The following RGS7 variants were observed in gnomAD, a reference collection of about 807,000 sequenced individuals.
RGS7 encodes regulator of G protein signaling 7.
In RGS7, 27 loss-of-function variants were observed where a neutral mutation model predicts 81.1. That is an observed-to-expected ratio of 0.33 (90% CI 0.25 to 0.46). The LOEUF (loss-of-function observed/expected upper bound fraction) is 0.46, where lower values mean the gene tolerates loss of function less well. RGS7 is among the 20% of genes least tolerant of loss of function. The probability of loss-of-function intolerance (pLI) is 1.00; values close to 1 mark genes in which losing one functional copy is unlikely to be tolerated. For missense variants in RGS7, 396 were observed against 607.4 expected, an observed-to-expected ratio of 0.65 and a Z score of 3.66; for synonymous variants, 208 against 207.7, an observed-to-expected ratio of 1.00 and a Z score of -0.01.
chr1:241,226,942 C>G (rs1449472812), intron 2 of RGS7, among the ~76,000 whole-genome samples: 2 of 152,134 alleles, frequency 1.3e-5, no homozygotes, highest in South Asian at 4.1e-4. Context: ...ATTAAAAATT[C>G]TCATCATCTT....
chr1:240,864,332 G>A (rs1238633001), intron 9 of RGS7, among the ~76,000 whole-genome samples: 1 of 152,146 alleles, frequency 6.6e-6, no homozygotes, highest in African/African-American at 2.4e-5. Context: ...TGTTTCACGA[G>A]TTTCAGATTC....
intron 2 of RGS7, among the ~76,000 whole-genome samples, chr1:241,142,736 T>C (rs1359717390): frequency 6.6e-6 from 1 of 152,152 alleles, no homozygotes. Context: ...ATTTTACCCA[T>C]TGTCTTGGTA....
At chr1:241,197,885 A>G (rs1215067301) in intron 2 of RGS7, among the ~76,000 whole-genome samples, 2 of 151,686 alleles carry the variant, frequency 1.3e-5, no homozygotes, top group Non-Finnish European at 3.0e-5. Context: ...TCAAAACATT[A>G]CTACTGTATA....
chr1:241,255,203 G>A (rs1032009648), intron 2 of RGS7, among the ~76,000 whole-genome samples: 8 of 152,182 alleles, frequency 5.3e-5, no homozygotes, highest in South Asian at 2.1e-4. Context: ...GCAGACTATC[G>A]CCAGTTCTGA....
chr1:241,088,852 A>G (rs2492995), intron 3 of RGS7, among the ~76,000 whole-genome samples: 36,100 of 150,456 alleles, frequency 0.24, 5,872 homozygotes, highest in African/African-American at 0.46. Context: ...TCTACTAAAA[A>G]TACAAAAAAT....
At position 241,325,912 on chromosome 1, in the gene RGS7, G is replaced by A. The variant is rs553666121; in HGVS notation, c.78+29787C>T. 4.6e-5 allele frequency among the ~76,000 whole-genome samples: 7 copies of A among 152,198 alleles called. No homozygotes were observed. In the East Asian group the frequency reaches 1.2e-3, roughly 25 times the overall value. ...GCAAACAGGATGACTTGGAACAACC[G>A]TTACATTTTTTCTTTTTTTTCACTA... is the stretch of plus-strand genomic sequence containing the variant. On this transcript the variant is annotated intron_variant, in intron 2 of 18. Transcript: ENST00000440928.
At chr1:240,786,067 T>C (rs1382830494) in intron 18 of RGS7, among the ~76,000 whole-genome samples, 1 of 152,232 alleles carries the variant, frequency 6.6e-6, no homozygotes, top group Admixed American at 6.5e-5. Context: ...ATTTAAGTAC[T>C]GGTCACTAGC....
At chr1:241,182,442 A>AC (rs2071702110) in intron 2 of RGS7, among the ~76,000 whole-genome samples, 1 of 151,908 alleles carries the variant, frequency 6.6e-6, no homozygotes, top group African/African-American at 2.4e-5. Context: ...GGGACACACA[A>AC]CCCCCAGCTC....
At chr1:240,840,194 G>A (rs757844324) in intron 9 of RGS7, among the ~76,000 whole-genome samples, 42 of 151,876 alleles carry the variant, frequency 2.8e-4, no homozygotes, top group Non-Finnish European at 4.9e-4. Flanking sequence ...CGGTCTCCTC[G>A]TCAAACCTCC....
intron 5 of RGS7, among the ~76,000 whole-genome samples, chr1:240,933,696 T>C (rs1676101945): frequency 6.6e-6 from 1 of 151,994 alleles, no homozygotes; most frequent in African/African-American, 2.4e-5. Flanking sequence ...ATGAAACTCA[T>C]CCAAAACTGT....
At chr1:240,970,052 G>A in intron 4 of RGS7, among the ~76,000 whole-genome samples, 1 of 152,210 alleles carries the variant, frequency 6.6e-6, no homozygotes, top group Admixed American at 6.5e-5. Flanking sequence ...TTGATGCTCA[G>A]TAAATGTGAG....
At chr1:240,819,785 C>G (rs745898672) in intron 10 of RGS7, among the ~76,000 whole-genome samples, 2 of 152,120 alleles carry the variant, frequency 1.3e-5, no homozygotes, top group Non-Finnish European at 2.9e-5. Flanking sequence ...GAGACCATGA[C>G]CCAAACCATT....
At chr1:241,044,089 ATTTC>A (rs2060775557) in intron 3 of RGS7, among the ~76,000 whole-genome samples, 1 of 148,318 alleles carries the variant, frequency 6.7e-6, no homozygotes, top group African/African-American at 2.5e-5. Context: ...GTTTGAATTA[ATTTC>A]TTTCTTTTTG....
At chr1:241,067,917 G>A (rs558241148) in intron 3 of RGS7, among the ~76,000 whole-genome samples, 14 of 147,978 alleles carry the variant, frequency 9.5e-5, no homozygotes, top group African/African-American at 3.4e-4. Context: ...AACTAGTTTC[G>A]GGCCTAATAG....
intron 6 of RGS7, among the ~76,000 whole-genome samples, chr1:240,885,835 C>A (rs540060323): frequency 2.8e-4 from 43 of 152,210 alleles, no homozygotes; most frequent in African/African-American, 9.6e-4. Context: ...ATAATCTGTA[C>A]ACCAAACCCC....
rs79956288 is a variant in RGS7, at chr1:241,314,275, G to T, written c.78+41424C>A. Among the ~76,000 whole-genome samples, 878 of 151,822 alleles carry T rather than the reference G, an allele frequency of 5.8e-3. 5 individuals are homozygous for T. Among genetic ancestry groups the T allele is most frequent in the African/African-American group, 0.02 (810 of 41,434 alleles). On this transcript the variant is annotated intron_variant, in intron 2 of 18. Coordinates refer to ENST00000440928, the MANE Select transcript of RGS7 (RefSeq NM_001364886.1). ...CGGCTCACTTCACTGTCGTTTATTTGAAGAAATTGCCACAGCCACTCCAAC... is the reference window on the plus strand; with the variant it reads ...CGGCTCACTTCACTGTCGTTTATTTTAAGAAATTGCCACAGCCACTCCAAC...
chr1:241,041,123 CT>C (rs1309161254), intron 3 of RGS7, among the ~76,000 whole-genome samples: 1 of 151,984 alleles, frequency 6.6e-6, no homozygotes, highest in Non-Finnish European at 1.5e-5. Flanking sequence ...TGATTATTAC[CT>C]TTTGAAAATG....
In RGS7 at chr1:241,164,776, T is replaced by C. The variant is rs1231333381; in HGVS notation, c.79-66014A>G. ...ATGGGCCACCGATTTGCAAGTGGCA[T>C]GTGCTCATATGTACTTCAGATCAAT... On this transcript the variant is annotated intron_variant, in intron 2 of 18. Coordinates refer to ENST00000440928, the MANE Select transcript of RGS7 (RefSeq NM_001364886.1). This position sits in a 1 kb window ranked among gnomAD's most constrained non-coding sequence, Gnocchi z 4.1. 6.6e-6 allele frequency among the ~76,000 whole-genome samples: 1 copy of C among 152,250 alleles called. No homozygotes were observed. The highest frequency in any genetic ancestry group is 1.9e-4 in the East Asian group (1 of 5,196).
intron 4 of RGS7, among the ~76,000 whole-genome samples, chr1:240,982,315 G>A (rs968174199): frequency 2.6e-5 from 4 of 151,146 alleles, no homozygotes; most frequent in South Asian, 2.1e-4. Context: ...CCAGCTACTC[G>A]GGAGGCTGAG....
Sources: gnomAD v4.1 joint callset for allele counts (sites outside exome capture counted in the v4.1 genomes callset) on GRCh38, gnomAD v4.1.1 for gene constraint, Gnocchi (gnomAD v3.1) non-coding constraint, MANE v1.5 for transcripts, NCBI Gene and HGNC (gene_info 2026-07-23, HGNC 2026-07-21) for gene names.